Variants in MEGF11 observed in about 807,000 individuals in gnomAD.
MEGF11 encodes multiple EGF like domains 11.
In MEGF11, 126 loss-of-function variants were observed where a neutral mutation model predicts 146.6. The observed-to-expected ratio is 0.86, with a 90% CI of 0.74 to 1.00. MEGF11 has a LOEUF of 1.00. Ranked by LOEUF, MEGF11 falls within the 50% of genes least tolerant of loss-of-function variation. The pLI, the probability that MEGF11 is intolerant of heterozygous loss-of-function variation, is 0.00. For missense variants in MEGF11, 1,509 were observed against 1,521.2 expected (o/e 0.99, Z 0.13); for synonymous variants, 532 against 583.4 (o/e 0.91, Z 1.27).
At chr15:66,118,559 C>G (rs537643009) in intron 4 of MEGF11, among the ~76,000 whole-genome samples, 1 of 152,350 alleles carries the variant, frequency 6.6e-6, no homozygotes, top group South Asian at 2.1e-4. Flanking sequence ...ATCCTCCCAG[C>G]TCCCGGAACC....
intron 16 of MEGF11, 136 bp downstream of exon 16, chr15:65,917,829 TG>T: frequency 1.1e-6 from 1 of 940,824 alleles, no homozygotes; most frequent in Non-Finnish European, 1.6e-6. Context: ...TAGAGCTAAA[TG>T]GGGCTCATTC....
chr15:66,089,502 C>G (rs901178312), intron 5 of MEGF11, among the ~76,000 whole-genome samples: 1 of 152,192 alleles, frequency 6.6e-6, no homozygotes, highest in African/African-American at 2.4e-5. Context: ...ACCAAAATGC[C>G]ATTCTGTAGC....
intron 10 of MEGF11, among the ~76,000 whole-genome samples, chr15:65,949,034 C>T (rs908551294): frequency 1.3e-5 from 2 of 151,782 alleles, no homozygotes; most frequent in Non-Finnish European, 2.9e-5. Flanking sequence ...GTTCTTAGGG[C>T]TAACAGCCTG....
intron 5 of MEGF11, among the ~76,000 whole-genome samples, chr15:65,984,799 C>T (rs923843872): frequency 6.6e-6 from 1 of 152,218 alleles, no homozygotes; most frequent in Non-Finnish European, 1.5e-5. Flanking sequence ...GACAGAGTCT[C>T]GCTCTATTAG....
Position 65,912,210 on chromosome 15 carries a change from G to GA in MEGF11, c.2711-11dup, listed in dbSNP as rs2078833704. 1.6e-6 allele frequency: 2 copies of GA among 1,227,586 alleles called. No homozygotes were observed. The allele number at this position is 1,227,586 out of a possible 1,614,324, so 76.0% of individuals were successfully genotyped here. ...CTACTTTGAGACAAATCTGGGAAGA[G>GA]AACAAGGTGCCACATACCATCATAC... On this transcript the variant is annotated splice_polypyrimidine_tract_variant and intron_variant, in intron 20 of 25. Coordinates refer to ENST00000395614, the MANE Select transcript of MEGF11 (RefSeq NM_001385028.1).
intron 7 of MEGF11, among the ~76,000 whole-genome samples, chr15:65,974,257 G>A (rs1420197936): frequency 2.0e-5 from 3 of 152,014 alleles, no homozygotes; most frequent in Non-Finnish European, 4.4e-5. Context: ...CAAGTCAGAA[G>A]TAGGGGGGCT....
intron 5 of MEGF11, among the ~76,000 whole-genome samples, chr15:65,988,365 A>G (rs1488747640): frequency 1.3e-5 from 2 of 152,216 alleles, no homozygotes; most frequent in African/African-American, 4.8e-5. Flanking sequence ...GAATCATACA[A>G]TATCAGTCTT....
intron 10 of MEGF11, among the ~76,000 whole-genome samples, chr15:65,941,269 A>T (rs1320252974): frequency 6.6e-6 from 1 of 152,046 alleles, no homozygotes; most frequent in Non-Finnish European, 1.5e-5. Flanking sequence ...TACAAAAATT[A>T]GTTGGGCGTC....
chr15:65,961,545 T>A (rs184898415), intron 9 of MEGF11, among the ~76,000 whole-genome samples: 1 of 152,354 alleles, frequency 6.6e-6, no homozygotes, highest in Non-Finnish European at 1.5e-5. Flanking sequence ...GTGCTTTCTC[T>A]CTCAAGGTTA....
chr15:66,226,150 G>A lies in MEGF11; in HGVS notation c.-9+27455C>T, dbSNP rs574841017. 2.0e-4 allele frequency among the ~76,000 whole-genome samples: 30 copies of A among 152,258 alleles called. No homozygotes were observed. In the South Asian group the frequency reaches 5.8e-3, roughly 29 times the overall value. On this transcript the variant is annotated intron_variant, in intron 1 of 25. Transcript: ENST00000395614. ...TCATGCCTTCGTCCAGTGTAGCCACGCTGTAGACGCCCCCTGCCCATTGGT... is the reference window on the plus strand; with the variant it reads ...TCATGCCTTCGTCCAGTGTAGCCACACTGTAGACGCCCCCTGCCCATTGGT...
chr15:66,007,403 A>C (rs1339185704), intron 5 of MEGF11, among the ~76,000 whole-genome samples: 1 of 152,160 alleles, frequency 6.6e-6, no homozygotes, highest in Non-Finnish European at 1.5e-5. Flanking sequence ...CTTGTCAGGG[A>C]AAAGTTGAAT....
chr15:66,013,887 G>C (rs2082792898), intron 5 of MEGF11, among the ~76,000 whole-genome samples: 1 of 152,232 alleles, frequency 6.6e-6, no homozygotes, highest in African/African-American at 2.4e-5. Context: ...ACTGAGGCTG[G>C]AGGAGCAGTT....
intron 1 of MEGF11, among the ~76,000 whole-genome samples, chr15:66,222,590 C>A (rs1401310027): frequency 1.3e-5 from 2 of 152,216 alleles, no homozygotes; most frequent in Non-Finnish European, 2.9e-5. Context: ...CTCATTCATC[C>A]TGGCTTCCCC....
At chr15:66,063,400 A>G (rs942746950) in intron 5 of MEGF11, among the ~76,000 whole-genome samples, 1 of 152,182 alleles carries the variant, frequency 6.6e-6, no homozygotes, top group Admixed American at 6.5e-5. Flanking sequence ...GAGCAATGAG[A>G]GAACTTGCCA....
At chr15:66,236,479 G>C (rs1022032138) in intron 1 of MEGF11, among the ~76,000 whole-genome samples, 6 of 152,326 alleles carry the variant, frequency 3.9e-5, no homozygotes, top group Non-Finnish European at 8.8e-5. Context: ...CCAAGGCAAA[G>C]GACTCCTGAG....
intron 1 of MEGF11, among the ~76,000 whole-genome samples, chr15:66,162,801 T>C (rs765878721): frequency 1.7e-4 from 26 of 149,562 alleles, no homozygotes; most frequent in Non-Finnish European, 3.0e-4. Flanking sequence ...CAGTTGTACC[T>C]CAACAGGAAA....
At chr15:66,217,633 C>T (rs2091619888) in intron 1 of MEGF11, among the ~76,000 whole-genome samples, 1 of 152,236 alleles carries the variant, frequency 6.6e-6, no homozygotes, top group Non-Finnish European at 1.5e-5. Context: ...TTTTCATGGC[C>T]AAGATGGAGA....
intron 5 of MEGF11, among the ~76,000 whole-genome samples, chr15:66,025,773 T>G (rs2083308186): frequency 6.6e-6 from 1 of 152,162 alleles, no homozygotes; most frequent in Non-Finnish European, 1.5e-5. Flanking sequence ...AGACTTACAC[T>G]TCTGTGAACT....
In MEGF11 at chr15:65,932,013, G is replaced by A. The variant is rs568609047; in HGVS notation, c.1288-1070C>T. ...ATTACATTACCGGGGATCCTAAACT[G>A]GCTACCCTGGAAAACATTCTGAGAT... On this transcript the variant is annotated intron_variant, in intron 10 of 25. Transcript: ENST00000395614. 6.6e-5 allele frequency among the ~76,000 whole-genome samples: 10 copies of A among 152,266 alleles called. No homozygotes were observed. The South Asian group carries it at 1.2e-3, about 19-fold the overall frequency.
Sources: allele counts gnomAD v4.1 joint callset (sites outside exome capture counted in the v4.1 genomes callset), GRCh38; gene constraint gnomAD v4.1.1; transcripts MANE v1.5; gene names NCBI Gene and HGNC (gene_info 2026-07-23, HGNC 2026-07-21).